Variants in ITPR2 observed in about 807,000 individuals in gnomAD.
ITPR2 encodes the protein inositol 1,4,5-trisphosphate receptor type 2, also known as inositol 1,4,5-trisphosphate-gated calcium channel ITPR2.
Under a neutral mutation model 317.1 loss-of-function variants are expected in ITPR2, and 207 were observed. The ratio of observed to expected loss-of-function variants is 0.65; its 90% CI spans 0.58 to 0.73. ITPR2 has a LOEUF of 0.73. Ranked by LOEUF, ITPR2 falls within the 30% of genes least tolerant of loss-of-function variation. ITPR2 has a pLI of 0.00. For missense variants in ITPR2, 2,613 were observed against 3,284.0 expected (o/e 0.80, Z 4.99); for synonymous variants, 1,156 against 1,149.1 (o/e 1.01, Z -0.12).
chr12:26,673,383 G>T (rs1261580870), intron 13 of ITPR2, among the ~76,000 whole-genome samples: 4 of 152,192 alleles, frequency 2.6e-5, no homozygotes, highest in South Asian at 4.2e-4. Context: ...TGCAAGGCTG[G>T]TTCAATATAC....
intron 49 of ITPR2, among the ~76,000 whole-genome samples, chr12:26,426,155 T>C (rs1941055267): frequency 1.3e-5 from 2 of 152,218 alleles, no homozygotes. Context: ...TTTTGGCCCA[T>C]CTCTAGCTAT....
chr12:26,549,943 T>C (rs1944483332), intron 37 of ITPR2, among the ~76,000 whole-genome samples: 1 of 151,962 alleles, frequency 6.6e-6, no homozygotes, highest in African/African-American at 2.4e-5. Context: ...TCTCAGTTAC[T>C]CATTGTTTAA....
intron 43 of ITPR2, 27 bp downstream of exon 43, chr12:26,481,104 C>T (rs758267593): frequency 6.7e-6 from 9 of 1,350,598 alleles, no homozygotes; most frequent in South Asian, 1.2e-5. Flanking sequence ...TGTAGCTTTT[C>T]TGGCCTGAAC....
Position 26,409,341 on chromosome 12 carries a change from TG to T in ITPR2, c.7399+1978del, listed in dbSNP as rs557308549. Among the ~76,000 whole-genome samples, 625 of 152,314 alleles carry T rather than the reference TG, an allele frequency of 4.1e-3. 5 individuals carry two copies. Among genetic ancestry groups the T allele is most frequent in the South Asian group, 8.5e-3 (41 of 4,830 alleles). The stretch of plus-strand genomic sequence containing the variant: ...TGATAAAAAGTCTCATGATATCCTT[TG>T]AAAAAAGATAGAGCAACATGGGCGG... On this transcript the variant is annotated intron_variant, in intron 52 of 56. Coordinates refer to ENST00000381340, the MANE Select transcript of ITPR2 (RefSeq NM_002223.4).
At chr12:26,484,172 T>C (rs917607657) in intron 41 of ITPR2, among the ~76,000 whole-genome samples, 1 of 151,184 alleles carries the variant, frequency 6.6e-6, no homozygotes, top group African/African-American at 2.4e-5. Context: ...TATACATATA[T>C]GTGTATATAT....
intron 35 of ITPR2, among the ~76,000 whole-genome samples, chr12:26,559,048 A>G (rs939787550): frequency 2.6e-5 from 4 of 152,348 alleles, no homozygotes; most frequent in East Asian, 3.9e-4. Flanking sequence ...CTAAATACAT[A>G]CAAAATTAAT....
intron 21 of ITPR2, among the ~76,000 whole-genome samples, chr12:26,640,091 G>C (rs1946952184): frequency 6.6e-6 from 1 of 152,136 alleles, no homozygotes; most frequent in African/African-American, 2.4e-5. Flanking sequence ...TGTGAGAACT[G>C]GGGAGCCTAT....
intron 45 of ITPR2, among the ~76,000 whole-genome samples, chr12:26,469,016 T>G (rs1021093513): frequency 3.9e-4 from 59 of 152,316 alleles, no homozygotes; most frequent in Middle Eastern, 3.4e-3. Context: ...CCTCTATCCC[T>G]CTCTTTCAAG....
At chr12:26,701,661 G>C (rs1948448498) in intron 9 of ITPR2, among the ~76,000 whole-genome samples, 1 of 152,092 alleles carries the variant, frequency 6.6e-6, no homozygotes, top group Non-Finnish European at 1.5e-5. Context: ...ATTTGAGAGA[G>C]AACTAAACAT....
At chr12:26,447,012 C>T (rs574494164) in intron 45 of ITPR2, among the ~76,000 whole-genome samples, 3 of 151,856 alleles carry the variant, frequency 2.0e-5, no homozygotes, top group Non-Finnish European at 2.9e-5. Context: ...ATCTATATTA[C>T]GAAATTTCTC....
In ITPR2 at chr12:26,637,764, T is replaced by C. The variant is rs554157988; in HGVS notation, c.2741-5705A>G. Among the ~76,000 whole-genome samples, 10 of 152,314 alleles carry C rather than the reference T, an allele frequency of 6.6e-5. No homozygotes were observed. The South Asian group carries it at 2.1e-3, about 32-fold the overall frequency. ...TACTAATGAATATGTGGTTTCATCATATAATTATAGTTCATAATGTCTTAT... is the reference window on the plus strand; with the variant it reads ...TACTAATGAATATGTGGTTTCATCACATAATTATAGTTCATAATGTCTTAT... On this transcript the variant is annotated intron_variant, in intron 21 of 56. Coordinates refer to ENST00000381340, the MANE Select transcript of ITPR2 (RefSeq NM_002223.4).
chr12:26,614,442 A>C (rs1038916453), intron 26 of ITPR2, among the ~76,000 whole-genome samples: 2 of 152,128 alleles, frequency 1.3e-5, no homozygotes, highest in African/African-American at 4.8e-5. Flanking sequence ...AATCACAAAT[A>C]CTCTAAGCAG....
chr12:26,795,856 G>C lies in ITPR2; in HGVS notation c.93-5629C>G, dbSNP rs374298645. ...AAAAATTAGCAGGGCGTGGTGGCAC[G>C]ACCTGTAATCCCAGCTACTCTGGAG... On this transcript the variant is annotated intron_variant, in intron 1 of 56. Coordinates refer to ENST00000381340, the MANE Select transcript of ITPR2 (RefSeq NM_002223.4). 2.0e-5 allele frequency among the ~76,000 whole-genome samples: 3 copies of C among 152,108 alleles called. No individual in the cohort carries two copies. In the South Asian group the frequency reaches 6.2e-4, roughly 32 times the overall value.
chr12:26,752,547 T>C (rs549040564), intron 2 of ITPR2, among the ~76,000 whole-genome samples: 1 of 152,286 alleles, frequency 6.6e-6, no homozygotes, highest in Non-Finnish European at 1.5e-5. Context: ...AATTACCCTA[T>C]ATGGTCTAAA....
At chr12:26,688,666 C>T (rs1438624611) in intron 10 of ITPR2, among the ~76,000 whole-genome samples, 1 of 152,080 alleles carries the variant, frequency 6.6e-6, no homozygotes, top group Non-Finnish European at 1.5e-5. Context: ...TTCAACTGAC[C>T]AGGGCCTGAA....
intron 37 of ITPR2, among the ~76,000 whole-genome samples, chr12:26,536,513 G>C (rs907127571): frequency 6.6e-6 from 1 of 152,202 alleles, no homozygotes; most frequent in Admixed American, 6.5e-5. Context: ...CAGGTTGAAG[G>C]ACAGTTGAAA....
intron 54 of ITPR2, among the ~76,000 whole-genome samples, chr12:26,388,407 T>C (rs1939728988): frequency 6.6e-6 from 1 of 152,190 alleles, no homozygotes; most frequent in Non-Finnish European, 1.5e-5. Context: ...AATCCAACCC[T>C]GGCTATTCTT....
chr12:26,532,370 T>C (rs1226071403), intron 37 of ITPR2, among the ~76,000 whole-genome samples: 1 of 152,186 alleles, frequency 6.6e-6, no homozygotes, highest in East Asian at 1.9e-4. Flanking sequence ...AAAAGGGACA[T>C]TTTTCAATGA....
rs116953607 is a variant in ITPR2 at position 26,619,099 on chromosome 12, A to G, written c.3462+2024T>C. ...CTACCTCAGGTGGTACTGAATTTCC[A>G]GCTACAGAAGTTTGCTTTGTTTAAA... On this transcript the variant is annotated intron_variant, in intron 26 of 56. Transcript: ENST00000381340. Among the ~76,000 whole-genome samples, 475 of 152,352 alleles carry G rather than the reference A, an allele frequency of 3.1e-3. 1 individual carries two copies. The highest frequency in any genetic ancestry group is 4.2e-3 in the Non-Finnish European group (286 of 68,034).
Sources: allele counts gnomAD v4.1 joint callset (sites outside exome capture counted in the v4.1 genomes callset), GRCh38; gene constraint gnomAD v4.1.1; transcripts MANE v1.5; gene names NCBI Gene and HGNC (gene_info 2026-07-23, HGNC 2026-07-21).